PTBP3: variants seen among roughly 807,000 people sequenced by gnomAD.
The protein encoded by PTBP3 is polypyrimidine tract-binding protein 3.
PTBP3 carries 20 observed loss-of-function variants against 58.7 expected under a neutral mutation model. That is an observed-to-expected ratio of 0.34 (90% CI 0.24 to 0.50). PTBP3 has a LOEUF of 0.50. Among genes scored for constraint, PTBP3 ranks in the 20% least tolerant of loss-of-function variants. PTBP3 has a pLI of 0.98. For synonymous variants in PTBP3, 185 were observed against 219.8 expected (o/e 0.84, Z 1.40); for missense variants, 509 against 637.2 (o/e 0.80, Z 2.17).
intron 1 of PTBP3, among the ~76,000 whole-genome samples, chr9:112,304,453 T>C (rs1477722633): frequency 2.6e-5 from 4 of 152,262 alleles, no homozygotes; most frequent in Non-Finnish European, 5.9e-5. Context: ...ATATTTCATT[T>C]TGATAAATCA....
chr9:112,305,883 T>C (rs1587865610), intron 1 of PTBP3, among the ~76,000 whole-genome samples: 1 of 152,146 alleles, frequency 6.6e-6, no homozygotes, highest in African/African-American at 2.4e-5. Context: ...GAGCTTGCAG[T>C]GAGCCGAGAC....
chr9:112,342,336 G>A, the PTBP3 span, among the ~76,000 whole-genome samples: 6 of 152,202 alleles, frequency 3.9e-5, no homozygotes, highest in Non-Finnish European at 5.9e-5. Context: ...CTGCGTGTGT[G>A]TGTATCCCAT....
rs557540486 is a variant in PTBP3, at chr9:112,333,159, G to C, written c.-52+311C>G. ...GCTGGGCTCCCCGGACTCGGGGCGCGGAGGGCGGACCTCGGCACCGCGGCC... is the reference window on the plus strand; with the variant it reads ...GCTGGGCTCCCCGGACTCGGGGCGCCGAGGGCGGACCTCGGCACCGCGGCC... On this transcript the variant is annotated intron_variant, in intron 1 of 13. Coordinates refer to ENST00000374257, the MANE Select transcript of PTBP3 (RefSeq NM_001163788.4). The C allele has an allele frequency of 4.2e-6, 5 of 1,203,566 alleles. No individual in the cohort carries two copies. In the South Asian group the frequency reaches 9.7e-5, roughly 23 times the overall value. The allele number at this position is 1,203,566 out of a possible 1,614,324, so 74.6% of individuals were successfully genotyped here. A position where few individuals can be genotyped will look rare whatever the true frequency, so the allele number is the denominator to read the frequency against.
At chr9:112,248,778 T>C (rs530324228) in intron 7 of PTBP3, among the ~76,000 whole-genome samples, 1 of 152,346 alleles carries the variant, frequency 6.6e-6, no homozygotes, top group African/African-American at 2.4e-5. Flanking sequence ...ATTCCTTTCC[T>C]ATGTACTTCT....
Position 112,251,336 on chromosome 9 carries a change from T to C in PTBP3, c.628-233A>G, listed in dbSNP as rs2132076098. Among the ~76,000 whole-genome samples the C allele has an allele frequency of 2.6e-5, 4 of 152,348 alleles. No homozygotes were observed. The Middle Eastern group carries it at 0.01, about 389-fold the overall frequency. On this transcript the variant is annotated intron_variant, in intron 6 of 13. Transcript: ENST00000374257. ...AAAATAAGACTGATAATATTTATCT[T>C]GTCTGTGGTAAGATCAAATAAGAGA...
chr9:112,274,556 T>C (rs1827527937), intron 3 of PTBP3, among the ~76,000 whole-genome samples: 1 of 152,184 alleles, frequency 6.6e-6, no homozygotes, highest in Non-Finnish European at 1.5e-5. Context: ...AAGTATTATA[T>C]TTTTTGTCAT....
At chr9:112,311,303 T>C (rs1362792397) in intron 1 of PTBP3, among the ~76,000 whole-genome samples, 1 of 152,136 alleles carries the variant, frequency 6.6e-6, no homozygotes, top group African/African-American at 2.4e-5. Context: ...TGCATCTGTA[T>C]AAACATGTAC....
At chr9:112,340,320 C>G in the PTBP3 span, among the ~76,000 whole-genome samples, 1 of 152,196 alleles carries the variant, frequency 6.6e-6, no homozygotes, top group Admixed American at 6.5e-5. Context: ...TATTCTTCCT[C>G]AGCATTACCA....
chr9:112,221,243 G>A lies in PTBP3; in HGVS notation c.*2608C>T. On this transcript the variant is annotated 3_prime_UTR_variant, in exon 14 of 14. Transcript: ENST00000374257. ...TATGTATATACAACTTTAGAAGAGT[G>A]TATTTATGTATATACACTTATCTAC... 3.0e-6 allele frequency: 3 copies of A among 984,536 alleles called. No homozygotes were observed. The highest frequency in any genetic ancestry group is 3.6e-6 in the Non-Finnish European group (3 of 828,944). 61.0% of individuals were successfully genotyped at this position (984,536 alleles called of 1,614,324 possible). A position where few individuals can be genotyped will look rare whatever the true frequency, so the allele number is the denominator to read the frequency against.
chr9:112,277,379 T>C (rs1257393888), intron 2 of PTBP3, among the ~76,000 whole-genome samples: 1 of 152,182 alleles, frequency 6.6e-6, no homozygotes, highest in African/African-American at 2.4e-5. Flanking sequence ...TCCTCTCCCT[T>C]ATCAATCACC....
At chr9:112,375,168 T>A in the PTBP3 span, among the ~76,000 whole-genome samples, 7 of 152,352 alleles carry the variant, frequency 4.6e-5, no homozygotes, top group Admixed American at 3.9e-4. Flanking sequence ...TCTGCTAAGG[T>A]CACCCGTTGG....
the PTBP3 span, among the ~76,000 whole-genome samples, chr9:112,373,185 C>G: frequency 6.6e-6 from 1 of 152,198 alleles, no homozygotes; most frequent in East Asian, 1.9e-4. Flanking sequence ...CATGAGCCAC[C>G]AGGCCCAGCC....
chr9:112,315,740 G>C (rs1429460074), intron 1 of PTBP3, among the ~76,000 whole-genome samples: 1 of 152,072 alleles, frequency 6.6e-6, no homozygotes, highest in African/African-American at 2.4e-5. Flanking sequence ...TTCTATCAAA[G>C]AGTTTTAAAA....
the PTBP3 span, among the ~76,000 whole-genome samples, chr9:112,368,129 G>C: frequency 6.6e-6 from 1 of 151,964 alleles, no homozygotes; most frequent in Non-Finnish European, 1.5e-5. Context: ...CTAGTAGCTG[G>C]GACTACAGGC....
chr9:112,244,807 AC>A (rs1263147545), intron 7 of PTBP3, among the ~76,000 whole-genome samples: 1 of 152,088 alleles, frequency 6.6e-6, no homozygotes, highest in Non-Finnish European at 1.5e-5. Context: ...CCCAATCAAA[AC>A]CCCAATAGCT....
chr9:112,283,365 A>C (rs1444672682), intron 2 of PTBP3, among the ~76,000 whole-genome samples: 1 of 152,216 alleles, frequency 6.6e-6, no homozygotes, highest in East Asian at 1.9e-4. Context: ...GGTATGGACA[A>C]TGAAGTCCAG....
the PTBP3 span, among the ~76,000 whole-genome samples, chr9:112,346,180 T>C: frequency 1.3e-5 from 2 of 151,068 alleles, no homozygotes; most frequent in Admixed American, 6.6e-5. Context: ...TTTTTTCCTT[T>C]TTTCTGAAAC....
intron 8 of PTBP3, among the ~76,000 whole-genome samples, chr9:112,232,619 C>A (rs974894797): frequency 5.3e-5 from 8 of 152,158 alleles, no homozygotes; most frequent in African/African-American, 1.9e-4. Flanking sequence ...ACCATAAAAT[C>A]AGATATGTAT....
intron 3 of PTBP3, among the ~76,000 whole-genome samples, chr9:112,269,088 T>A (rs1457314041): frequency 1.3e-5 from 2 of 150,984 alleles, no homozygotes; most frequent in Non-Finnish European, 2.9e-5. Flanking sequence ...TCCCAGCTAC[T>A]CAGGAGGCTA....
Sources: gnomAD v4.1 joint callset for allele counts (sites outside exome capture counted in the v4.1 genomes callset) on GRCh38, gnomAD v4.1.1 for gene constraint, MANE v1.5 for transcripts, NCBI Gene and HGNC (gene_info 2026-07-23, HGNC 2026-07-21) for gene names.